KIAA1217: variants seen among roughly 807,000 people sequenced by gnomAD.
KIAA1217 encodes the protein sickle tail protein homolog.
A neutral mutation model predicts 163.9 loss-of-function variants in KIAA1217; 88 were observed. The ratio of observed to expected loss-of-function variants is 0.54; its 90% CI spans 0.45 to 0.64. The LOEUF (loss-of-function observed/expected upper bound fraction) is 0.64, where lower values mean the gene tolerates loss of function less well. Ranked by LOEUF, KIAA1217 falls within the 30% of genes least tolerant of loss-of-function variation. The pLI is 0.00. For missense variants in KIAA1217, 2,372 were observed against 2,475.0 expected (o/e 0.96, Z 0.88); for synonymous variants, 903 against 923.1 (o/e 0.98, Z 0.39).
chr10:23,875,031 A>G (rs1006579007), intron 1 of KIAA1217, among the ~76,000 whole-genome samples: 7 of 151,950 alleles, frequency 4.6e-5, no homozygotes, highest in Admixed American at 3.9e-4. Context: ...AAGATGAAAG[A>G]TGTGCCACAC....
rs145240447 is a variant in KIAA1217 at position 23,837,218 on chromosome 10, A to T, written c.-321+141984A>T. ...AGACTTTTTTATGGCAGCCTCTAGG[A>T]CTGTGAGATAAATTTCTCTTGTTCA... is the stretch of plus-strand genomic sequence containing the variant. On this transcript the variant is annotated intron_variant, in intron 1 of 18. Transcript: ENST00000376462. Among the ~76,000 whole-genome samples, 420 of 152,148 alleles carry T rather than the reference A, an allele frequency of 2.8e-3. 3 individuals carry two copies. Among genetic ancestry groups the T allele is most frequent in the African/African-American group, 9.6e-3 (397 of 41,508 alleles).
At chr10:24,212,522 G>A (rs941139628) in intron 1 of KIAA1217, among the ~76,000 whole-genome samples, 7 of 152,150 alleles carry the variant, frequency 4.6e-5, no homozygotes, top group African/African-American at 1.7e-4. Flanking sequence ...TAGAGGTCAG[G>A]GAGATTGGAA....
At chr10:24,418,106 A>G (rs553952277) in intron 3 of KIAA1217, among the ~76,000 whole-genome samples, 1 of 150,176 alleles carries the variant, frequency 6.7e-6, no homozygotes, top group South Asian at 2.2e-4. Context: ...GCCACCACCA[A>G]TAAAAAAAAA....
intron 1 of KIAA1217, among the ~76,000 whole-genome samples, chr10:23,983,956 A>C (rs1845871031): frequency 6.6e-6 from 1 of 152,220 alleles, no homozygotes; most frequent in Non-Finnish European, 1.5e-5. Context: ...AATACGTAAT[A>C]GTAAAAGAGG....
intron 17 of KIAA1217, among the ~76,000 whole-genome samples, chr10:24,540,268 C>T (rs978478635): frequency 2.0e-5 from 3 of 152,164 alleles, no homozygotes; most frequent in Admixed American, 6.5e-5. Flanking sequence ...GAGTCTCGCT[C>T]TCTCGCCCAG....
chr10:24,206,495 T>G (rs1356023753), upstream of KIAA1217, among the ~76,000 whole-genome samples: 1 of 152,184 alleles, frequency 6.6e-6, no homozygotes, highest in Non-Finnish European at 1.5e-5. Flanking sequence ...TGCTAAATTG[T>G]TAGGAAGGTC....
chr10:23,832,149 G>A (rs2131042417), intron 1 of KIAA1217, among the ~76,000 whole-genome samples: 1 of 152,292 alleles, frequency 6.6e-6, no homozygotes, highest in East Asian at 1.9e-4. Flanking sequence ...GCAAATAGCA[G>A]ATTGTCACTT....
intron 1 of KIAA1217, among the ~76,000 whole-genome samples, chr10:23,810,667 C>A (rs1836972329): frequency 7.9e-6 from 1 of 126,150 alleles, no homozygotes; most frequent in African/African-American, 3.1e-5. Flanking sequence ...TATAATTAAT[C>A]TATATATAGT....
intron 2 of KIAA1217, among the ~76,000 whole-genome samples, chr10:24,096,967 C>T (rs2062187971): frequency 6.6e-6 from 1 of 152,064 alleles, no homozygotes. Context: ...GACAGAAAAA[C>T]AAGTTAAGGT....
intron 1 of KIAA1217, among the ~76,000 whole-genome samples, chr10:23,749,582 A>T (rs527683979): frequency 6.6e-6 from 1 of 152,112 alleles, no homozygotes; most frequent in East Asian, 1.9e-4. Flanking sequence ...TGATTTTTGT[A>T]TTTTTAGTAG....
rs556380166 is a variant in KIAA1217, at chr10:23,724,102, C to T, written c.-321+28868C>T. 6.8e-4 allele frequency among the ~76,000 whole-genome samples: 103 copies of T among 152,268 alleles called. 1 individual carries two copies. The highest frequency in any genetic ancestry group is 2.0e-3 in the Admixed American group (31 of 15,290). On this transcript the variant is annotated intron_variant, in intron 1 of 18. Transcript: ENST00000376462. ...AAGAACTCACTCACTTTCATGAGAA[C>T]GGCACCAAGGGGATGGTGCTGAACC...
chr10:23,852,697 G>A (rs1839416437), intron 1 of KIAA1217, among the ~76,000 whole-genome samples: 1 of 152,250 alleles, frequency 6.6e-6, no homozygotes, highest in African/African-American at 2.4e-5. Context: ...TCATTGAGCA[G>A]TGGTTTGTAG....
intron 1 of KIAA1217, among the ~76,000 whole-genome samples, chr10:23,909,914 A>G (rs1002893651): frequency 9.9e-5 from 15 of 152,170 alleles, no homozygotes; most frequent in Non-Finnish European, 1.8e-4. Flanking sequence ...TGCCACCAAC[A>G]GCGTAAAAGC....
At chr10:24,534,170 T>C (rs1344483901) in intron 16 of KIAA1217, among the ~76,000 whole-genome samples, 2 of 152,362 alleles carry the variant, frequency 1.3e-5, no homozygotes, top group East Asian at 3.9e-4. Context: ...TTGTTTTTAC[T>C]GCACTTGTTC....
chr10:23,740,778 T>TA (rs796794628), intron 1 of KIAA1217, among the ~76,000 whole-genome samples: 3,868 of 144,438 alleles, frequency 0.027, 165 homozygotes, highest in African/African-American at 0.086. Context: ...AGGTTGAGAT[T>TA]AAAAAAAAAA....
intron 2 of KIAA1217, among the ~76,000 whole-genome samples, chr10:24,096,841 C>G (rs2062182764): frequency 6.6e-6 from 1 of 152,198 alleles, no homozygotes; most frequent in Admixed American, 6.5e-5. Flanking sequence ...TTCCTATCAA[C>G]CCCTCTTCTC....
chr10:24,500,490 T>TA (rs1454746990), intron 8 of KIAA1217, among the ~76,000 whole-genome samples: 2 of 152,136 alleles, frequency 1.3e-5, no homozygotes, highest in Admixed American at 1.3e-4. Flanking sequence ...TTGTCCTTTT[T>TA]AGAGTCCCCT....
intron 2 of KIAA1217, among the ~76,000 whole-genome samples, chr10:24,091,547 G>A (rs546617456): frequency 2.0e-5 from 3 of 151,894 alleles, no homozygotes; most frequent in African/African-American, 7.3e-5. Flanking sequence ...TACACAGTAA[G>A]GGAACTTTCA....
intron 2 of KIAA1217, among the ~76,000 whole-genome samples, chr10:24,022,911 A>C (rs1847795154): frequency 1.4e-5 from 2 of 148,134 alleles, no homozygotes; most frequent in East Asian, 3.9e-4. Flanking sequence ...GAACTTAAGG[A>C]TATATACTTG....
Sources: allele counts gnomAD v4.1 joint callset (sites outside exome capture counted in the v4.1 genomes callset), GRCh38; gene constraint gnomAD v4.1.1; transcripts MANE v1.5; gene names NCBI Gene and HGNC (gene_info 2026-07-23, HGNC 2026-07-21).